The following MPND variants were observed in gnomAD, a reference collection of about 807,000 sequenced individuals.
MPND encodes MPN domain-containing protein.
Under a neutral mutation model 59.2 loss-of-function variants are expected in MPND, and 56 were observed. The observed-to-expected ratio is 0.95, with a 90% CI of 0.76 to 1.18. MPND has a LOEUF of 1.18. MPND is among the 50% of genes most tolerant of loss of function. MPND has a pLI of 0.00. For synonymous variants in MPND, 323 were observed against 291.9 expected, an observed-to-expected ratio of 1.11 and a Z score of -1.09; for missense variants, 671 against 676.0, an observed-to-expected ratio of 0.99 and a Z score of 0.08.
chr19:4,359,009 C>A, intron 11 of MPND, among the ~76,000 whole-genome samples, 154 bp from the exon 12 acceptor site: 1 of 152,046 alleles, frequency 6.6e-6, no homozygotes, highest in South Asian at 2.1e-4. Context: ...GCTAGGTGAG[C>A]CCTCTGGCTA....
rs767494005 is a variant in MPND, at chr19:4,357,463, G to A, written c.1165+42G>A. On this transcript the variant is annotated intron_variant, in intron 9 of 12. Coordinates refer to ENST00000599840, the MANE Select transcript of MPND (RefSeq NM_001300862.2). ...TGTGGGGGGAGCAAGGAGGGGGGAT[G>A]CTGGGCCAGCCGAGCCTCCCAGGGC... The A allele has an allele frequency of 5.0e-5, 80 of 1,609,126 alleles. 2 individuals are homozygous for A. The South Asian group carries it at 8.4e-4, about 17-fold the overall frequency.
chr19:4,350,383 G>A (rs528438259), intron 3 of MPND, among the ~76,000 whole-genome samples: 2 of 152,220 alleles, frequency 1.3e-5, no homozygotes, highest in South Asian at 4.1e-4. Context: ...GTTGCAGGCA[G>A]AGGAAGGACA....
At position 4,358,090 on chromosome 19, in the gene MPND, CCA is replaced by C; in HGVS notation, c.1245_1246del (p.Ser416Ter). On this transcript the variant is annotated frameshift_variant, in exon 11 of 13. Transcript: ENST00000599840. LOFTEE classifies it high-confidence loss of function. ...GGTCTGTGTCCCTGCCAGCAAAGGC[CCA>C]GTGACTATGGCATCCCCATGGATGT... 1 of 1,551,418 alleles carries C rather than the reference CCA, an allele frequency of 6.4e-7. No homozygotes were observed. The highest frequency in any genetic ancestry group is 8.7e-7 in the Non-Finnish European group (1 of 1,146,928).
chr19:4,354,477 C>T (rs774036568), intron 6 of MPND, 57 bp downstream of exon 6: 15 of 1,395,376 alleles, frequency 1.1e-5, no homozygotes, highest in East Asian at 1.0e-4. Context: ...CGGTGGGCAG[C>T]GGGCGGGGCT....
chr19:4,351,580 C>G (rs185013824), intron 3 of MPND, among the ~76,000 whole-genome samples: 3 of 151,798 alleles, frequency 2.0e-5, no homozygotes, highest in Admixed American at 6.6e-5. Flanking sequence ...ATAGACTTGG[C>G]GGCCGGGCAC....
At chr19:4,355,285 G>T in intron 8 of MPND, 112 bp downstream of exon 8, 1 of 1,080,278 alleles carries the variant, frequency 9.3e-7, no homozygotes. Context: ...GTGCAGGTGA[G>T]CATGCCCGTC....
At chr19:4,346,022 T>G (rs1476893095) in intron 3 of MPND, 41 bp downstream of exon 3, 1 of 1,557,176 alleles carries the variant, frequency 6.4e-7, no homozygotes, top group Admixed American at 1.8e-5. Flanking sequence ...CCCAGGTCAC[T>G]GTGGAATGAG....
chr19:4,359,884 G>C (rs780098782), intron 12 of MPND, 32 bp from the exon 13 acceptor site: 22 of 1,531,892 alleles, frequency 1.4e-5, no homozygotes, highest in South Asian at 4.8e-5. Flanking sequence ...GGACCCCCGG[G>C]CACAGCCTGA....
At chr19:4,345,700 T>C (rs1423911937) in intron 2 of MPND, 45 bp from the exon 3 acceptor site, 1 of 1,576,200 alleles carries the variant, frequency 6.3e-7, no homozygotes, top group South Asian at 1.1e-5. Context: ...AGAGAGGGCA[T>C]GGTGGGTGTT....
At position 4,359,234 on chromosome 19, in the gene MPND, CACCT is replaced by C; in HGVS notation, c.1403_1406del (p.Tyr468SerfsTer?). 6.2e-7 allele frequency: 1 copy of C among 1,613,298 alleles called. No homozygotes were observed. Among genetic ancestry groups the C allele is most frequent in the African/African-American group, 1.3e-5 (1 of 74,984 alleles). On this transcript the variant is annotated frameshift_variant, in exon 12 of 13. Coordinates refer to ENST00000599840, the MANE Select transcript of MPND (RefSeq NM_001300862.2). LOFTEE classifies it high-confidence loss of function. ...TCCAGGAACCCTGGAGCCAGGAGCA[CACCT>C]ACCTCGACAAGCTTAAGGTGAGCCC...
At chr19:4,346,169 G>A (rs1215455133) in intron 3 of MPND, among the ~76,000 whole-genome samples, 188 bp downstream of exon 3, 1 of 152,204 alleles carries the variant, frequency 6.6e-6, no homozygotes, top group Admixed American at 6.5e-5. Flanking sequence ...GGGAGCTTGG[G>A]CTTTGAGGGA....
chr19:4,354,178 T>C (rs777930524), intron 5 of MPND, 49 bp downstream of exon 5: 1 of 1,551,868 alleles, frequency 6.4e-7, no homozygotes, highest in African/African-American at 1.4e-5. Context: ...CCTGGATCTC[T>C]TGCTGGTCTT....
chr19:4,354,057 C>T lies in MPND; in HGVS notation c.677C>T (p.Pro226Leu). ...SEPAHPEATT[P>L]GKRVDSKIRV... Reference sequence around the variant, plus strand: ...TTTTCTCTCCCAGAGGCCACAACCCCAGGGAAGCGGGTGGACAGCAAGATC... The same window carrying T: ...TTTTCTCTCCCAGAGGCCACAACCCTAGGGAAGCGGGTGGACAGCAAGATC... The change falls in exon 5 of 13, where the codon CCA becomes CTA. Residue 226 changes from proline to leucine, a missense_variant. Pro to Leu is a moderately conservative substitution (Grantham distance 98, BLOSUM62 -3). Transcript: ENST00000599840. 6.2e-7 allele frequency: 1 copy of T among 1,613,324 alleles called. No homozygotes were observed. Among genetic ancestry groups the T allele is most frequent in the Non-Finnish European group, 8.5e-7 (1 of 1,179,366 alleles).
At chr19:4,350,658 G>C (rs929181649) in intron 3 of MPND, among the ~76,000 whole-genome samples, 1 of 152,180 alleles carries the variant, frequency 6.6e-6, no homozygotes, top group Admixed American at 6.5e-5. Flanking sequence ...AAAATTGGGG[G>C]ATGTGGGAAG....
intron 3 of MPND, chr19:4,348,880 C>G (rs901986589): frequency 5.9e-6 from 1 of 170,212 alleles, no homozygotes; most frequent in Non-Finnish European, 1.3e-5. Context: ...TGGTCTTGAA[C>G]TCCTGACCTC....
At chr19:4,359,372 G>A in intron 12 of MPND, 117 bp downstream of exon 12, 1 of 711,470 alleles carries the variant, frequency 1.4e-6, no homozygotes, top group Non-Finnish European at 2.4e-6. Flanking sequence ...CAGCCCAGCT[G>A]GCAGACTGGT....
chr19:4,354,803 G>T, intron 6 of MPND, 146 bp from the exon 7 acceptor site: 1 of 767,498 alleles, frequency 1.3e-6, no homozygotes, highest in Non-Finnish European at 2.1e-6. Context: ...GGCGGAGGTT[G>T]CGGTGAGCCA....
Position 4,359,370 on chromosome 19 carries a change from C to T in MPND, c.1419+115C>T, listed in dbSNP as rs1972525844. On this transcript the variant is annotated intron_variant, in intron 12 of 12. Transcript: ENST00000599840. ...GCCTCAGGGGCCTGAGACAGCCCAGCTGGCAGACTGGTGACCCTGGTCACC... is the reference window on the plus strand; with the variant it reads ...GCCTCAGGGGCCTGAGACAGCCCAGTTGGCAGACTGGTGACCCTGGTCACC... 1.7e-5 allele frequency: 12 copies of T among 711,138 alleles called. No individual in the cohort carries two copies. In the Admixed American group the frequency reaches 3.2e-4, roughly 19 times the overall value. 44.1% of individuals were successfully genotyped at this position (711,138 alleles called of 1,614,324 possible).
At chr19:4,344,129 C>T (rs1206358619) in intron 2 of MPND, 135 bp downstream of exon 2, 1 of 582,204 alleles carries the variant, frequency 1.7e-6, no homozygotes, top group East Asian at 4.2e-5. Context: ...TGCTGAGAGA[C>T]GAGCCCCGGT....
Sources: allele counts gnomAD v4.1 joint callset (sites outside exome capture counted in the v4.1 genomes callset), GRCh38; gene constraint gnomAD v4.1.1; transcripts MANE v1.5; gene names NCBI Gene and HGNC (gene_info 2026-07-23, HGNC 2026-07-21).